The following SCML4 variants were observed in gnomAD, a reference collection of about 807,000 sequenced individuals.
The protein encoded by SCML4 is Scm polycomb group protein like 4.
In SCML4, 34 loss-of-function variants were observed where a neutral mutation model predicts 41.1. That is an observed-to-expected ratio of 0.83 (90% CI 0.63 to 1.10). The LOEUF (loss-of-function observed/expected upper bound fraction) is 1.10, where lower values mean the gene tolerates loss of function less well. Ranked by LOEUF, SCML4 falls within the 50% of genes least tolerant of loss-of-function variation. SCML4 has a pLI of 0.00. For synonymous variants in SCML4, 214 were observed against 220.9 expected (o/e 0.97, Z 0.28); for missense variants, 522 against 534.1 (o/e 0.98, Z 0.22).
chr6:107,732,655 T>G (rs1422976637), intron 5 of SCML4, among the ~76,000 whole-genome samples: 1 of 152,176 alleles, frequency 6.6e-6, no homozygotes, highest in Non-Finnish European at 1.5e-5. Flanking sequence ...GGCCTTTCTG[T>G]GCTCTCGGGA....
At chr6:107,774,264 G>A (rs1255421379) in intron 1 of SCML4, among the ~76,000 whole-genome samples, 2 of 151,950 alleles carry the variant, frequency 1.3e-5, no homozygotes, top group Non-Finnish European at 2.9e-5. Context: ...TGAAATCAGG[G>A]TGCACCCTAC....
At chr6:107,789,832 G>A (rs969685142) in intron 1 of SCML4, among the ~76,000 whole-genome samples, 4 of 152,142 alleles carry the variant, frequency 2.6e-5, no homozygotes, top group African/African-American at 9.7e-5. Context: ...CTGCACACAG[G>A]GCCCAGCTCA....
intron 5 of SCML4, among the ~76,000 whole-genome samples, chr6:107,741,769 C>A (rs1777617313): frequency 6.6e-6 from 1 of 152,202 alleles, no homozygotes; most frequent in African/African-American, 2.4e-5. Flanking sequence ...AGCCAAAAAA[C>A]CAAAGACAGT....
intron 1 of SCML4, among the ~76,000 whole-genome samples, chr6:107,822,133 A>G (rs961383270): frequency 7.8e-6 from 1 of 127,480 alleles, no homozygotes; most frequent in African/African-American, 3.0e-5. Context: ...TTTAAAAATT[A>G]AAAAAGTCTA....
At chr6:107,808,190 A>C (rs1339865305) in intron 1 of SCML4, among the ~76,000 whole-genome samples, 1 of 152,158 alleles carries the variant, frequency 6.6e-6, no homozygotes, top group East Asian at 1.9e-4. Context: ...ACCTCTTTGG[A>C]ATGTTTCACA....
At chr6:107,785,318 C>A (rs897139355) in intron 1 of SCML4, among the ~76,000 whole-genome samples, 1 of 152,208 alleles carries the variant, frequency 6.6e-6, no homozygotes, top group African/African-American at 2.4e-5. Flanking sequence ...AACACAAAAC[C>A]TGCAGGAACA....
chr6:107,707,547 T>C (rs1025572686), intron 7 of SCML4, among the ~76,000 whole-genome samples: 4 of 152,178 alleles, frequency 2.6e-5, no homozygotes, highest in Admixed American at 1.3e-4. Context: ...TGGCATGTCG[T>C]TGGTGTGCTG....
chr6:107,704,938 GA>G lies in SCML4; in HGVS notation c.*261del. 1 of 520,108 alleles carries G rather than the reference GA, an allele frequency of 1.9e-6. No homozygotes were observed. The highest frequency in any genetic ancestry group is 3.4e-6 in the Non-Finnish European group (1 of 291,016). The allele number at this position is 520,108 out of a possible 1,614,324, so 32.2% of individuals were successfully genotyped here. A position where few individuals can be genotyped will look rare whatever the true frequency, so the allele number is the denominator to read the frequency against. Reference sequence around the variant, plus strand: ...TATGCAAATAGGACCCACTTTAAGAGAAACCAGCATAACAGGGATGTTAAAA... The same window carrying G: ...TATGCAAATAGGACCCACTTTAAGAGAACCAGCATAACAGGGATGTTAAAA... On this transcript the variant is annotated 3_prime_UTR_variant, in exon 8 of 8. Coordinates refer to ENST00000369020, the MANE Select transcript of SCML4 (RefSeq NM_198081.5).
At chr6:107,771,873 T>G (rs1780545661) in intron 2 of SCML4, among the ~76,000 whole-genome samples, 1 of 152,138 alleles carries the variant, frequency 6.6e-6, no homozygotes, top group Admixed American at 6.5e-5. Flanking sequence ...AAACACTAAT[T>G]TAGATGCAAG....
intron 5 of SCML4, among the ~76,000 whole-genome samples, chr6:107,727,430 T>C (rs1373833864): frequency 1.3e-5 from 2 of 152,232 alleles, no homozygotes; most frequent in Non-Finnish European, 2.9e-5. Context: ...AAGTTTTTTT[T>C]TAAAAGGCGT....
At chr6:107,749,848 T>C in intron 2 of SCML4, 35 bp from the exon 3 acceptor site, 1 of 1,611,508 alleles carries the variant, frequency 6.2e-7, no homozygotes, top group Non-Finnish European at 8.5e-7. Context: ...AATGAGAATC[T>C]GGCAATTCTC....
intron 6 of SCML4, among the ~76,000 whole-genome samples, chr6:107,712,484 G>A (rs1002624577): frequency 2.6e-5 from 4 of 152,204 alleles, no homozygotes; most frequent in African/African-American, 9.7e-5. Flanking sequence ...GAGGGAAAGA[G>A]ATAACTGAGA....
chr6:107,828,329 C>A (rs2114332242), upstream of SCML4, among the ~76,000 whole-genome samples: 1 of 152,320 alleles, frequency 6.6e-6, no homozygotes, highest in African/African-American at 2.4e-5. Flanking sequence ...AAATAAGGGA[C>A]TAGATCATCT....
chr6:107,749,561 C>T lies in SCML4; in HGVS notation c.286+123G>A, dbSNP rs1428303420. 14 of 1,126,750 alleles carry T rather than the reference C, an allele frequency of 1.2e-5. 1 individual carries two copies. The highest frequency in any genetic ancestry group is 1.2e-4 in the East Asian group (5 of 42,136). 69.8% of individuals were successfully genotyped at this position (1,126,750 alleles called of 1,614,324 possible). ...CATCCTGTCTGCTGCCTAGCTAGCA[C>T]ACTAAATCGCTCATTTGAGCCATCT... On this transcript the variant is annotated intron_variant, in intron 3 of 7. Transcript: ENST00000369020.
In SCML4 at chr6:107,720,757, G is replaced by C; in HGVS notation, c.919C>G (p.Pro307Ala). 1.2e-6 allele frequency: 2 copies of C among 1,605,578 alleles called. No individual in the cohort carries two copies. Among genetic ancestry groups the C allele is most frequent in the Non-Finnish European group, 1.7e-6 (2 of 1,176,062 alleles). The part of the protein sequence containing the change: ...SGGPSAPGLR[P>A]PASSPKRNTT... ...TTTCTCTTGGGGCTGGAGGCTGGAGGCCTCAGCCCAGGTGCCGAGGGGCCA... is the reference window on the plus strand; with the variant it reads ...TTTCTCTTGGGGCTGGAGGCTGGAGCCCTCAGCCCAGGTGCCGAGGGGCCA... Residue 307 changes from proline (P) to alanine (A), a missense_variant, in exon 6 of 8, where the codon CCT (proline) becomes GCT (alanine). By Grantham distance (27) the Pro-to-Ala change is conservative. Coordinates refer to ENST00000369020, the MANE Select transcript of SCML4 (RefSeq NM_198081.5).
chr6:107,765,023 C>T (rs1389586484), intron 2 of SCML4, among the ~76,000 whole-genome samples: 2 of 152,300 alleles, frequency 1.3e-5, no homozygotes, highest in African/African-American at 2.4e-5. Context: ...TCAGGTATCT[C>T]TTTATCAGCA....
chr6:107,810,659 T>C (rs563007569), intron 1 of SCML4, among the ~76,000 whole-genome samples: 1 of 152,284 alleles, frequency 6.6e-6, no homozygotes, highest in African/African-American at 2.4e-5. Flanking sequence ...TTATGAAACA[T>C]ATTTACCATT....
intron 1 of SCML4, among the ~76,000 whole-genome samples, chr6:107,775,658 A>G (rs1780882799): frequency 6.6e-6 from 1 of 152,262 alleles, no homozygotes. Context: ...ATTTTGGGAC[A>G]GATGGGTATT....
intron 6 of SCML4, chr6:107,720,368 C>T: frequency 9.8e-7 from 1 of 1,017,060 alleles, no homozygotes; most frequent in Non-Finnish European, 1.2e-6. Context: ...ATAGATGGAG[C>T]CTATGTCCCT....
Sources: allele counts gnomAD v4.1 joint callset (sites outside exome capture counted in the v4.1 genomes callset), GRCh38; gene constraint gnomAD v4.1.1; transcripts MANE v1.5; gene names NCBI Gene and HGNC (gene_info 2026-07-23, HGNC 2026-07-21).